Variants in SPOCK1 observed in about 807,000 individuals in gnomAD.
SPOCK1 encodes the protein testican-1.
A neutral mutation model predicts 55.3 loss-of-function variants in SPOCK1; 23 were observed. That is an observed-to-expected ratio of 0.42 (90% CI 0.30 to 0.59). The LOEUF is 0.59. Among genes scored for constraint, SPOCK1 ranks in the 20% least tolerant of loss-of-function variants. SPOCK1 has a pLI of 0.22. For missense variants in SPOCK1, 499 were observed against 552.5 expected, an observed-to-expected ratio of 0.90 and a Z score of 0.97; for synonymous variants, 226 against 221.0, an observed-to-expected ratio of 1.02 and a Z score of -0.20.
chr5:137,117,690 G>A (rs1440474605), intron 4 of SPOCK1, among the ~76,000 whole-genome samples: 1 of 151,730 alleles, frequency 6.6e-6, no homozygotes, highest in Non-Finnish European at 1.5e-5. Context: ...ACAGGCTCTT[G>A]TTTCCAGAAA....
intron 2 of SPOCK1, among the ~76,000 whole-genome samples, chr5:137,317,190 T>G (rs1030955909): frequency 6.6e-6 from 1 of 152,162 alleles, no homozygotes; most frequent in East Asian, 1.9e-4. Context: ...ACAGCCCTTG[T>G]CTCCCTCCCA....
Position 137,289,289 on chromosome 5 carries a change from C to G in SPOCK1, c.187-22234G>C, listed in dbSNP as rs568624818. ...TTACCTCCTTTTTTTCTTTCCAAGGCCTGCTCATCATATAACTATTTTAAG... is the reference window on the plus strand; with the variant it reads ...TTACCTCCTTTTTTTCTTTCCAAGGGCTGCTCATCATATAACTATTTTAAG... On this transcript the variant is annotated intron_variant, in intron 2 of 10. Transcript: ENST00000394945. 6.6e-5 allele frequency among the ~76,000 whole-genome samples: 10 copies of G among 152,198 alleles called. No homozygotes were observed. The East Asian group carries it at 1.9e-3, about 29-fold the overall frequency.
chr5:137,410,634 C>T (rs1752190231), intron 2 of SPOCK1, among the ~76,000 whole-genome samples: 1 of 152,236 alleles, frequency 6.6e-6, no homozygotes, highest in African/African-American at 2.4e-5. Context: ...ATAGGGACTG[C>T]ACCCCACGCC....
At chr5:137,384,594 TTC>T (rs944467953) in intron 2 of SPOCK1, among the ~76,000 whole-genome samples, 1 of 136,136 alleles carries the variant, frequency 7.3e-6, no homozygotes, top group African/African-American at 3.7e-5. Flanking sequence ...GTATTTTTTT[TTC>T]CCCCTGGAGG....
At chr5:137,160,341 T>G (rs1459876825) in intron 3 of SPOCK1, among the ~76,000 whole-genome samples, 1 of 92,476 alleles carries the variant, frequency 1.1e-5, no homozygotes, top group African/African-American at 3.0e-5. Context: ...TTATATATAT[T>G]ATATTATATT....
At chr5:137,182,779 A>G (rs1754993496) in intron 3 of SPOCK1, among the ~76,000 whole-genome samples, 1 of 152,182 alleles carries the variant, frequency 6.6e-6, no homozygotes, top group Admixed American at 6.5e-5. Flanking sequence ...CACTTGCTCA[A>G]TAGAAGTGGC....
At chr5:137,199,082 T>C (rs1755359123) in intron 3 of SPOCK1, among the ~76,000 whole-genome samples, 1 of 152,214 alleles carries the variant, frequency 6.6e-6, no homozygotes, top group Admixed American at 6.5e-5. Flanking sequence ...GTTCTGTCCA[T>C]TAACTTTTTC....
chr5:137,213,749 G>GTGCA, intron 3 of SPOCK1, among the ~76,000 whole-genome samples: 1 of 152,292 alleles, frequency 6.6e-6, no homozygotes, highest in South Asian at 2.1e-4. Context: ...CAATAGAAGG[G>GTGCA]TGCAGCACAC....
At chr5:137,153,979 C>T (rs1561629127) in intron 3 of SPOCK1, among the ~76,000 whole-genome samples, 1 of 151,706 alleles carries the variant, frequency 6.6e-6, no homozygotes, top group Non-Finnish European at 1.5e-5. Context: ...AAGACCTAAG[C>T]AGCACATTTT....
In SPOCK1 at chr5:136,991,287, ACCACCAAGAACC is replaced by A. The variant is rs879281564; in HGVS notation, c.706+1185_706+1196del. Among the ~76,000 whole-genome samples the A allele has an allele frequency of 5.8e-4, 89 of 152,228 alleles. 1 individual carries two copies. The highest frequency in any genetic ancestry group is 6.2e-4 in the Non-Finnish European group (42 of 68,018). ...TTATTTTGCTTTTCCAACAGACCCA[ACCACCAAGAACC>A]CCACCAAGAACCACTTTGGAGACAC... On this transcript the variant is annotated intron_variant, in intron 7 of 10. Transcript: ENST00000394945.
rs1757438165 is a variant in SPOCK1 at position 137,294,485 on chromosome 5, C to A, written c.187-27430G>T. Among the ~76,000 whole-genome samples the A allele has an allele frequency of 2.6e-5, 4 of 152,232 alleles. No individual in the cohort carries two copies. In the South Asian group the frequency reaches 8.3e-4, roughly 31 times the overall value. ...GAACACAAGTCCTACAATTCCAACACCCATGCTGTCTCCATCACAACACAC... is the reference window on the plus strand; with the variant it reads ...GAACACAAGTCCTACAATTCCAACAACCATGCTGTCTCCATCACAACACAC... On this transcript the variant is annotated intron_variant, in intron 2 of 10. Transcript: ENST00000394945.
At chr5:137,331,333 A>T (rs1758176349) in intron 2 of SPOCK1, among the ~76,000 whole-genome samples, 1 of 152,158 alleles carries the variant, frequency 6.6e-6, no homozygotes, top group Admixed American at 6.5e-5. Flanking sequence ...CTGCAACTGG[A>T]AGACTTGCCA....
At chr5:137,363,496 A>C (rs1750993189) in intron 2 of SPOCK1, among the ~76,000 whole-genome samples, 1 of 152,218 alleles carries the variant, frequency 6.6e-6, no homozygotes. Flanking sequence ...ATAGAACCTG[A>C]AGACAGACCT....
chr5:137,119,945 G>T (rs182725422), intron 4 of SPOCK1, among the ~76,000 whole-genome samples: 2 of 152,246 alleles, frequency 1.3e-5, no homozygotes, highest in Non-Finnish European at 2.9e-5. Context: ...TTCCCAAGAG[G>T]AAGAAAAGTC....
At chr5:137,362,163 A>T (rs1417239942) in intron 2 of SPOCK1, among the ~76,000 whole-genome samples, 1 of 152,210 alleles carries the variant, frequency 6.6e-6, no homozygotes, top group African/African-American at 2.4e-5. Context: ...TTCATCAAGC[A>T]TTGAGAAGTT....
intron 2 of SPOCK1, among the ~76,000 whole-genome samples, chr5:137,319,684 G>C (rs1455072777): frequency 1.3e-5 from 2 of 152,234 alleles, no homozygotes; most frequent in African/African-American, 4.8e-5. Context: ...GGTGGCTCAC[G>C]CCTGTAATCC....
At chr5:137,210,385 C>G (rs1056586494) in intron 3 of SPOCK1, among the ~76,000 whole-genome samples, 2 of 152,132 alleles carry the variant, frequency 1.3e-5, no homozygotes, top group Non-Finnish European at 1.5e-5. Context: ...CTAGGGAACC[C>G]TTAAGGCAAT....
intron 3 of SPOCK1, among the ~76,000 whole-genome samples, chr5:137,152,463 A>G (rs1481670244): frequency 1.3e-5 from 2 of 152,182 alleles, no homozygotes; most frequent in African/African-American, 4.8e-5. Context: ...ATGGAAAAGG[A>G]CCTATGGGGT....
At chr5:137,265,046 A>G (rs560790234) in intron 3 of SPOCK1, among the ~76,000 whole-genome samples, 4 of 152,316 alleles carry the variant, frequency 2.6e-5, no homozygotes, top group African/African-American at 9.6e-5. Flanking sequence ...AAAAGAGAAC[A>G]GGATGGGGCT....
Sources: allele counts gnomAD v4.1 joint callset (sites outside exome capture counted in the v4.1 genomes callset), GRCh38; gene constraint gnomAD v4.1.1; transcripts MANE v1.5; gene names NCBI Gene and HGNC (gene_info 2026-07-23, HGNC 2026-07-21).